The following MAP3K13 variants were observed in gnomAD, a reference collection of about 807,000 sequenced individuals.
MAP3K13 encodes the protein leucine zipper-bearing kinase.
In MAP3K13, 52 loss-of-function variants were observed where a neutral mutation model predicts 104.0. The observed-to-expected ratio is 0.50, with a 90% CI of 0.40 to 0.63. MAP3K13 has a LOEUF of 0.63. Among genes scored for constraint, MAP3K13 ranks in the 20% least tolerant of loss-of-function variants. MAP3K13 has a pLI of 0.00. For synonymous variants in MAP3K13, 394 were observed against 442.2 expected (o/e 0.89, Z 1.37); for missense variants, 914 against 1,218.5 (o/e 0.75, Z 3.72).
chr3:185,388,338 C>CA (rs1473548844), intron 1 of MAP3K13, among the ~76,000 whole-genome samples: 1 of 151,818 alleles, frequency 6.6e-6, no homozygotes, highest in Non-Finnish European at 1.5e-5. Flanking sequence ...TTTGTCTCTA[C>CA]AAAAAATACA....
At chr3:185,361,550 A>G (rs370541960), upstream of MAP3K13, among the ~76,000 whole-genome samples, 87 of 152,046 alleles carry the variant, frequency 5.7e-4, no homozygotes, top group East Asian at 0.01. Context: ...ACAGGCGCCC[A>G]CCATCACGCC....
chr3:185,455,191 GATATATATATGATATATATGAGAT>G (rs1560118661), intron 7 of MAP3K13, among the ~76,000 whole-genome samples: 4 of 82,220 alleles, frequency 4.9e-5, no homozygotes, highest in African/African-American at 9.8e-5. Flanking sequence ...ATATATATGA[GATATATATATGATATATATGAGAT>G]ATATATATGA....
At chr3:185,364,858 A>C (rs1047047030) in intron 1 of MAP3K13, among the ~76,000 whole-genome samples, 19 of 152,208 alleles carry the variant, frequency 1.2e-4, no homozygotes, top group African/African-American at 4.6e-4. Flanking sequence ...CATTTTAGAC[A>C]TAATATTTGT....
At chr3:185,283,901 T>TTC (rs1283132175) in intron 1 of MAP3K13, among the ~76,000 whole-genome samples, 14 of 146,908 alleles carry the variant, frequency 9.5e-5, no homozygotes, top group Non-Finnish European at 1.5e-4. Flanking sequence ...TTTCTTTCTT[T>TTC]TTTTTTTTTT....
chr3:185,342,729 C>G (rs978583699), intron 2 of MAP3K13, among the ~76,000 whole-genome samples: 2 of 152,134 alleles, frequency 1.3e-5, no homozygotes, highest in Non-Finnish European at 2.9e-5. Context: ...GTGTGAAGTT[C>G]TGTAGGTGTA....
At chr3:185,364,276 G>T (rs980759603) in intron 1 of MAP3K13, among the ~76,000 whole-genome samples, 1 of 152,198 alleles carries the variant, frequency 6.6e-6, no homozygotes, top group Non-Finnish European at 1.5e-5. Flanking sequence ...TTTTCCAAGG[G>T]TCTGTTTATT....
chr3:185,309,762 T>G (rs1721432716), intron 2 of MAP3K13, among the ~76,000 whole-genome samples: 1 of 152,168 alleles, frequency 6.6e-6, no homozygotes, highest in Admixed American at 6.5e-5. Context: ...CAGAACATTC[T>G]CCAGCAGTAG....
intron 2 of MAP3K13, among the ~76,000 whole-genome samples, chr3:185,351,417 T>C (rs539267008): frequency 6.6e-6 from 1 of 152,226 alleles, no homozygotes; most frequent in Non-Finnish European, 1.5e-5. Context: ...CAGTTTTCTA[T>C]GTCCCAGGAT....
intron 2 of MAP3K13, among the ~76,000 whole-genome samples, chr3:185,345,114 G>A (rs1722869342): frequency 6.6e-6 from 1 of 152,020 alleles, no homozygotes; most frequent in African/African-American, 2.4e-5. Flanking sequence ...CGCCTGCCTT[G>A]GCCTCCCAAA....
Position 185,482,081 on chromosome 3 carries a change from C to T in MAP3K13, c.2800-274C>T, listed in dbSNP as rs1444423797. Among the ~76,000 whole-genome samples, 1 of 152,214 alleles carries T rather than the reference C, an allele frequency of 6.6e-6. No homozygotes were observed. Among genetic ancestry groups the T allele is most frequent in the African/African-American group, 2.4e-5 (1 of 41,452 alleles). ...CCTGGGCGACAGAGTGAGACTCCATCTCTAAATAAATAAATAAGTAAAGTA... is the reference window on the plus strand; with the variant it reads ...CCTGGGCGACAGAGTGAGACTCCATTTCTAAATAAATAAATAAGTAAAGTA... On this transcript the variant is annotated intron_variant, in intron 13 of 13. Coordinates refer to ENST00000265026, the MANE Select transcript of MAP3K13 (RefSeq NM_004721.5). The surrounding 1 kb of genome is among the most constrained non-coding windows in gnomAD (Gnocchi z 4.5).
chr3:185,454,764 T>TAC (rs1383829180), intron 7 of MAP3K13, among the ~76,000 whole-genome samples: 2 of 99,404 alleles, frequency 2.0e-5, no homozygotes, highest in African/African-American at 3.8e-5. Context: ...GAGATATATA[T>TAC]GACATATATA....
intron 1 of MAP3K13, among the ~76,000 whole-genome samples, chr3:185,383,870 A>C (rs1042267712): frequency 6.6e-6 from 1 of 152,220 alleles, no homozygotes; most frequent in Admixed American, 6.5e-5. Context: ...ATGATATTTT[A>C]ATACATGTAT....
Position 185,485,026 on chromosome 3 carries a change from T to C in MAP3K13, c.*2570T>C, listed in dbSNP as rs948993833. 2.6e-5 allele frequency: 4 copies of C among 152,134 alleles called. No individual in the cohort carries two copies. Among genetic ancestry groups the C allele is most frequent in the African/African-American group, 4.8e-5 (2 of 41,434 alleles). The allele number at this position is 152,134 out of a possible 1,614,324, so 9.4% of individuals were successfully genotyped here. On this transcript the variant is annotated 3_prime_UTR_variant, in exon 14 of 14. Coordinates refer to ENST00000265026, the MANE Select transcript of MAP3K13 (RefSeq NM_004721.5). ...TCTGCCCTGAAGCCCAATGGATACA[T>C]TGTGATTTTGACTTGATCATGAAAG...
At chr3:185,416,539 T>C (rs1401330041) in intron 1 of MAP3K13, among the ~76,000 whole-genome samples, 1 of 152,096 alleles carries the variant, frequency 6.6e-6, no homozygotes, top group Non-Finnish European at 1.5e-5. Context: ...CTTCCTCTAG[T>C]GCCTTCTCTC....
chr3:185,297,232 T>C (rs1360714006), intron 2 of MAP3K13, among the ~76,000 whole-genome samples: 1 of 152,232 alleles, frequency 6.6e-6, no homozygotes, highest in African/African-American at 2.4e-5. Flanking sequence ...ATTTGAGAGA[T>C]GGTAGTCACA....
chr3:185,360,818 C>CTT (rs532196266), upstream of MAP3K13, among the ~76,000 whole-genome samples: 529 of 78,086 alleles, frequency 6.8e-3, 12 homozygotes, highest in African/African-American at 0.018. Context: ...ACAGCTTTAG[C>CTT]TTTTTTTTTT....
At chr3:185,321,929 A>G (rs1324974801) in intron 2 of MAP3K13, among the ~76,000 whole-genome samples, 5 of 152,194 alleles carry the variant, frequency 3.3e-5, no homozygotes, top group Admixed American at 2.0e-4. Context: ...TAGCAAGTAC[A>G]CATTTTCCTA....
chr3:185,330,798 C>A (rs1416543371), intron 2 of MAP3K13, among the ~76,000 whole-genome samples: 1 of 152,162 alleles, frequency 6.6e-6, no homozygotes, highest in Admixed American at 6.5e-5. Context: ...TACAAACCAG[C>A]CCTCAGGATC....
At chr3:185,347,225 T>C (rs552392377) in intron 2 of MAP3K13, among the ~76,000 whole-genome samples, 4 of 152,136 alleles carry the variant, frequency 2.6e-5, no homozygotes, top group African/African-American at 9.6e-5. Context: ...GACCTTATGA[T>C]CCACCCACCT....
Sources: gnomAD v4.1 joint callset for allele counts (sites outside exome capture counted in the v4.1 genomes callset) on GRCh38, gnomAD v4.1.1 for gene constraint, Gnocchi (gnomAD v3.1) non-coding constraint, MANE v1.5 for transcripts, NCBI Gene and HGNC (gene_info 2026-07-23, HGNC 2026-07-21) for gene names.